Variants in ASPRV1 observed in about 807,000 individuals in gnomAD.
ASPRV1 encodes the protein retroviral-like aspartic protease 1.
ASPRV1 carries 7 observed loss-of-function variants against 11.0 expected under a neutral mutation model. The observed-to-expected ratio is 0.64, with a 90% CI of 0.36 to 1.20. The LOEUF (loss-of-function observed/expected upper bound fraction) is 1.20. Ranked by LOEUF, ASPRV1 falls within the 50% of genes most tolerant of loss-of-function variation. The pLI is 0.02. For synonymous variants in ASPRV1, 136 were observed against 138.4 expected, an observed-to-expected ratio of 0.98 and a Z score of 0.12; for missense variants, 299 against 320.0, an observed-to-expected ratio of 0.93 and a Z score of 0.50.
the ASPRV1 span, chr2:70,070,467 C>T: frequency 6.6e-6 from 1 of 152,028 alleles, no homozygotes; most frequent in Non-Finnish European, 1.5e-5. Flanking sequence ...TTTGAAAGTA[C>T]CACTCATGCC....
At chr2:70,020,740 T>C in the ASPRV1 span, among the ~76,000 whole-genome samples, 2 of 151,926 alleles carry the variant, frequency 1.3e-5, no homozygotes, top group Admixed American at 6.6e-5. Context: ...AAAAAAGACA[T>C]TGTGCAGAGT....
At chr2:70,069,766 AAAG>A in the ASPRV1 span, among the ~76,000 whole-genome samples, 1 of 152,186 alleles carries the variant, frequency 6.6e-6, no homozygotes, top group Non-Finnish European at 1.5e-5. Flanking sequence ...CTAGTTCATC[AAAG>A]GAGTCAGGTT....
At chr2:70,029,671 C>A in the ASPRV1 span, among the ~76,000 whole-genome samples, 1 of 152,156 alleles carries the variant, frequency 6.6e-6, no homozygotes, top group African/African-American at 2.4e-5. Flanking sequence ...GAGTCCTGGA[C>A]TTAGTGGAGG....
At chr2:70,068,053 T>C in the ASPRV1 span, among the ~76,000 whole-genome samples, 1 of 152,286 alleles carries the variant, frequency 6.6e-6, no homozygotes, top group African/African-American at 2.4e-5. Context: ...GCCCCCTAAG[T>C]CCACACTCTA....
At chr2:70,001,452 T>C in the ASPRV1 span, among the ~76,000 whole-genome samples, 1 of 152,066 alleles carries the variant, frequency 6.6e-6, no homozygotes, top group East Asian at 1.9e-4. Context: ...CCCCTTCTAC[T>C]TAAGGGGATC....
At chr2:70,087,056 GCACGCGCTCTGGTCACCT>G in the ASPRV1 span, 2 of 123,924 alleles carry the variant, frequency 1.6e-5, no homozygotes, top group South Asian at 2.5e-4. Flanking sequence ...ACACCCTCGC[GCACGCGCTCTGGTCACCT>G]CACGCGCATG....
the ASPRV1 span, among the ~76,000 whole-genome samples, chr2:69,947,223 T>C: frequency 6.6e-6 from 1 of 152,198 alleles, no homozygotes; most frequent in Non-Finnish European, 1.5e-5. Flanking sequence ...GAACAGTGTG[T>C]GGCCCAGAAG....
At chr2:69,977,042 C>T in the ASPRV1 span, among the ~76,000 whole-genome samples, 2 of 151,942 alleles carry the variant, frequency 1.3e-5, no homozygotes, top group South Asian at 4.1e-4. Flanking sequence ...AAATACAAAA[C>T]TTGGCCAGGC....
chr2:69,979,415 C>G, the ASPRV1 span, among the ~76,000 whole-genome samples: 1 of 152,166 alleles, frequency 6.6e-6, no homozygotes, highest in African/African-American at 2.4e-5. Context: ...GTCTGGGCTC[C>G]TTGTAGTCTC....
chr2:69,938,408 G>A, the ASPRV1 span: 5 of 966,132 alleles, frequency 5.2e-6, no homozygotes, highest in Non-Finnish European at 1.5e-6. Context: ...ACCAAAATCA[G>A]CTTTGTAACT....
chr2:69,961,211 C>CT lies in ASPRV1; in HGVS notation c.225dup (p.Asp76ArgfsTer35), dbSNP rs1419901519. On this transcript the variant is annotated frameshift_variant, in exon 1 of 1. Transcript: ENST00000320256. LOFTEE classifies it high-confidence loss of function. ...AGGGCCTCTTTCACAGTCCCATAGT[C>CT]TCCCTGGTCCTGGGGACTGAGCCTA... 6.2e-7 allele frequency: 1 copy of CT among 1,614,040 alleles called. No homozygotes were observed. The highest frequency in any genetic ancestry group is 2.2e-5 in the East Asian group (1 of 44,872).
the ASPRV1 span, among the ~76,000 whole-genome samples, chr2:70,076,694 A>G: frequency 6.6e-6 from 1 of 152,244 alleles, no homozygotes; most frequent in Non-Finnish European, 1.5e-5. Context: ...ATTAGCCTCT[A>G]GCTTGGCAAA....
At chr2:70,086,408 G>A in the ASPRV1 span, 1 of 152,256 alleles carries the variant, frequency 6.6e-6, no homozygotes, top group East Asian at 1.9e-4. Context: ...CAAGGAGGAA[G>A]GGGAAAAGGC....
chr2:69,982,971 T>C, the ASPRV1 span, among the ~76,000 whole-genome samples: 1 of 151,996 alleles, frequency 6.6e-6, no homozygotes. Context: ...CAGGCTGGAG[T>C]GCAGTGGTGT....
At chr2:70,009,379 G>A in the ASPRV1 span, among the ~76,000 whole-genome samples, 1 of 151,010 alleles carries the variant, frequency 6.6e-6, no homozygotes, top group Admixed American at 6.6e-5. Context: ...GCCCAGGCTG[G>A]AGTGCAGTGG....
At chr2:70,053,365 G>C in the ASPRV1 span, among the ~76,000 whole-genome samples, 1 of 151,994 alleles carries the variant, frequency 6.6e-6, no homozygotes, top group African/African-American at 2.4e-5. Context: ...AGCCTGGGGT[G>C]GGGGGTATAG....
At chr2:69,953,085 T>C in the ASPRV1 span, among the ~76,000 whole-genome samples, 1 of 152,216 alleles carries the variant, frequency 6.6e-6, no homozygotes, top group Non-Finnish European at 1.5e-5. Flanking sequence ...TTTCTCCTGT[T>C]TCTCCCAGCT....
At chr2:70,026,260 A>G in the ASPRV1 span, among the ~76,000 whole-genome samples, 3 of 152,166 alleles carry the variant, frequency 2.0e-5, no homozygotes, top group African/African-American at 7.2e-5. Flanking sequence ...CTGGAAAACA[A>G]GAGTGAAACT....
chr2:69,977,084 C>G, the ASPRV1 span, among the ~76,000 whole-genome samples: 2 of 151,688 alleles, frequency 1.3e-5, no homozygotes, highest in Admixed American at 6.6e-5. Flanking sequence ...CCCAGCTACT[C>G]GGGAGGCTGA....
Sources: gnomAD v4.1 joint callset for allele counts (sites outside exome capture counted in the v4.1 genomes callset) on GRCh38, gnomAD v4.1.1 for gene constraint, MANE v1.5 for transcripts, NCBI Gene and HGNC (gene_info 2026-07-23, HGNC 2026-07-21) for gene names.